OVCH1: variants seen among roughly 807,000 people sequenced by gnomAD.
OVCH1 encodes the protein ovochymase-1.
In OVCH1, 139 loss-of-function variants were observed where a neutral mutation model predicts 138.4. That is an observed-to-expected ratio of 1.00 (90% CI 0.87 to 1.16). OVCH1 has a LOEUF of 1.16. Among genes scored for constraint, OVCH1 ranks in the 50% most tolerant of loss-of-function variants. OVCH1 has a pLI of 0.00. For synonymous variants in OVCH1, 453 were observed against 467.8 expected (o/e 0.97, Z 0.41); for missense variants, 1,367 against 1,357.9 (o/e 1.01, Z -0.11).
At chr12:29,482,241 C>T (rs1942958493) in intron 8 of OVCH1, among the ~76,000 whole-genome samples, 1 of 152,166 alleles carries the variant, frequency 6.6e-6, no homozygotes, top group Non-Finnish European at 1.5e-5. Flanking sequence ...TGCTATTCCC[C>T]AAATATACCA....
exon 27 of OVCH1, chr12:29,433,755 C>A (rs1281472853): frequency 7.0e-7 from 1 of 1,424,960 alleles, no homozygotes; most frequent in South Asian, 1.3e-5. Flanking sequence ...ACTTACATAA[C>A]TTAAATTTGA....
chr12:29,410,824 G>A (rs1392277648), downstream of OVCH1, among the ~76,000 whole-genome samples: 9 of 150,938 alleles, frequency 6.0e-5, no homozygotes, highest in East Asian at 2.0e-4. Context: ...TCTTTGTGGT[G>A]TTCTCTGTAT....
downstream of OVCH1, among the ~76,000 whole-genome samples, chr12:29,426,368 G>A (rs1941179642): frequency 6.6e-6 from 1 of 152,152 alleles, no homozygotes; most frequent in African/African-American, 2.4e-5. Flanking sequence ...GATAATATTA[G>A]AACATGTTTG....
At chr12:29,474,017 GCCTACTGTGGGA>G (rs1388321580) in intron 14 of OVCH1, among the ~76,000 whole-genome samples, 1 of 151,360 alleles carries the variant, frequency 6.6e-6, no homozygotes, top group East Asian at 2.0e-4. Flanking sequence ...CTTGCAGACA[GCCTACTGTGGGA>G]CCTTGTGATC....
intron 22 of OVCH1, among the ~76,000 whole-genome samples, chr12:29,448,495 T>A (rs907293880): frequency 1.3e-5 from 2 of 151,988 alleles, no homozygotes; most frequent in African/African-American, 4.8e-5. Context: ...GAAGGAGCTC[T>A]TCAAAGTGCT....
At chr12:29,475,075 G>A (rs1316273872) in exon 14 of OVCH1, 1 of 1,586,102 alleles carries the variant, frequency 6.3e-7, no homozygotes, top group East Asian at 2.3e-5. Flanking sequence ...GGGCAAAATG[G>A]TAAATCTGGC....
rs367940904 is a variant in OVCH1, at chr12:29,430,960, G to C, written c.3327+2791C>G. ...GTCCAGGCAGAAACGGTTTGCTAAG[G>C]CACCAAGCAATCTCCCAAGGCTATG... On this transcript the variant is annotated intron_variant, in intron 27 of 27. Coordinates refer to ENST00000318184, the Ensembl canonical transcript of OVCH1. 4.8e-4 allele frequency: 246 copies of C among 512,970 alleles called. 1 individual carries two copies. The highest frequency in any genetic ancestry group is 6.7e-4 in the Non-Finnish European group (173 of 256,752). The allele number at this position is 512,970 out of a possible 1,614,324, so 31.8% of individuals were successfully genotyped here.
chr12:29,418,099 G>A (rs1168354150), intron 3 of OVCH1, among the ~76,000 whole-genome samples: 1 of 152,190 alleles, frequency 6.6e-6, no homozygotes, highest in Admixed American at 6.5e-5. Context: ...CTCACTGAAT[G>A]TTCACCTGTG....
intron 21 of OVCH1, among the ~76,000 whole-genome samples, chr12:29,452,088 T>C (rs1235581957): frequency 6.6e-6 from 1 of 152,192 alleles, no homozygotes; most frequent in Non-Finnish European, 1.5e-5. Flanking sequence ...GTGCCAGTTT[T>C]TCCATGGCCC....
chr12:29,479,222 G>A (rs1178182856), intron 8 of OVCH1, among the ~76,000 whole-genome samples: 2 of 152,118 alleles, frequency 1.3e-5, no homozygotes, highest in African/African-American at 2.4e-5. Flanking sequence ...TAAAATGCTA[G>A]AATTTTGATG....
intron 25 of OVCH1, among the ~76,000 whole-genome samples, chr12:29,441,740 T>C (rs1299538384): frequency 6.6e-6 from 1 of 151,762 alleles, no homozygotes; most frequent in Non-Finnish European, 1.5e-5. Context: ...AGGGCTAATA[T>C]CCAGAATATA....
downstream of OVCH1, among the ~76,000 whole-genome samples, chr12:29,425,405 CA>C (rs1941164799): frequency 6.6e-6 from 1 of 152,042 alleles, no homozygotes; most frequent in Non-Finnish European, 1.5e-5. Flanking sequence ...TAAAATAATC[CA>C]AAACATATAA....
chr12:29,439,156 T>G (rs1054311516), intron 26 of OVCH1, among the ~76,000 whole-genome samples: 1 of 150,546 alleles, frequency 6.6e-6, no homozygotes, highest in Non-Finnish European at 1.5e-5. Flanking sequence ...TTTCTACAAC[T>G]GTCCCCAATA....
chr12:29,477,267 C>T, intron 11 of OVCH1, 35 bp from the exon 12 acceptor site: 1 of 1,612,866 alleles, frequency 6.2e-7, no homozygotes, highest in Middle Eastern at 1.7e-4. Context: ...AAGTGAATGG[C>T]CAAAGACATT....
intron 16 of OVCH1, among the ~76,000 whole-genome samples, chr12:29,469,487 A>G (rs1489177033): frequency 6.6e-6 from 1 of 152,120 alleles, no homozygotes; most frequent in Non-Finnish European, 1.5e-5. Flanking sequence ...TGAAGCAGCA[A>G]CTACAATGAC....
intron 6 of OVCH1, among the ~76,000 whole-genome samples, chr12:29,488,643 A>AAAAAAAAAAAAAAAT (rs71045809): frequency 7.0e-6 from 1 of 142,312 alleles, no homozygotes; most frequent in East Asian, 2.1e-4. Flanking sequence ...AAAAAAAAAA[A>AAAAAAAAAAAAAAAT]GAAAGGAAAG....
chr12:29,497,489 C>G (rs975735671), intron 1 of OVCH1, 134 bp downstream of exon 1: 13 of 1,034,758 alleles, frequency 1.3e-5, no homozygotes, highest in South Asian at 1.6e-5. Flanking sequence ...GCACCACCCC[C>G]TCACCCTTTC....
intron 21 of OVCH1, among the ~76,000 whole-genome samples, chr12:29,452,151 C>A (rs774946210): frequency 4.6e-5 from 7 of 152,168 alleles, no homozygotes; most frequent in Non-Finnish European, 8.8e-5. Context: ...TCGTCCTTAA[C>A]TCTCTCTTCT....
chr12:29,458,736 C>T (rs1187593082), intron 19 of OVCH1, among the ~76,000 whole-genome samples: 1 of 152,100 alleles, frequency 6.6e-6, no homozygotes, highest in African/African-American at 2.4e-5. Context: ...GCAAACTACC[C>T]ATCTGATGTG....
Sources: allele counts gnomAD v4.1 joint callset (sites outside exome capture counted in the v4.1 genomes callset), GRCh38; gene constraint gnomAD v4.1.1; transcripts MANE v1.5; gene names NCBI Gene and HGNC (gene_info 2026-07-23, HGNC 2026-07-21).